CTNNA2: variants seen among roughly 807,000 people sequenced by gnomAD.
CTNNA2 encodes the protein catenin alpha-2.
A neutral mutation model predicts 101.0 loss-of-function variants in CTNNA2; 42 were observed. That is an observed-to-expected ratio of 0.42 (90% CI 0.32 to 0.54). The LOEUF (loss-of-function observed/expected upper bound fraction) is 0.54. Among genes scored for constraint, CTNNA2 ranks in the 20% least tolerant of loss-of-function variants. The pLI, the probability that CTNNA2 is intolerant of heterozygous loss-of-function variation, is 0.14. For missense variants in CTNNA2, 871 were observed against 1,223.1 expected (o/e 0.71, Z 4.29); for synonymous variants, 450 against 456.4 (o/e 0.99, Z 0.18).
intron 2 of CTNNA2, among the ~76,000 whole-genome samples, chr2:79,218,344 TG>T (rs1674295064): frequency 1.3e-5 from 1 of 77,250 alleles, no homozygotes; most frequent in African/African-American, 4.1e-5. Context: ...TGTGTGTGTG[TG>T]TGTGTATTTT....
At chr2:80,109,886 T>C (rs1558817842) in intron 7 of CTNNA2, among the ~76,000 whole-genome samples, 1 of 152,168 alleles carries the variant, frequency 6.6e-6, no homozygotes, top group African/African-American at 2.4e-5. Flanking sequence ...CTAACTCAAG[T>C]CATGGTTGTC....
intron 9 of CTNNA2, among the ~76,000 whole-genome samples, chr2:80,446,141 A>G (rs1574059537): frequency 1.3e-5 from 2 of 152,230 alleles, no homozygotes; most frequent in South Asian, 2.1e-4. Context: ...TTGTAAGGGC[A>G]TTCTTGACTC....
chr2:79,366,086 G>A (rs895108949), intron 3 of CTNNA2, among the ~76,000 whole-genome samples: 2 of 152,136 alleles, frequency 1.3e-5, no homozygotes, highest in Admixed American at 1.3e-4. Flanking sequence ...AAGAAGCCTC[G>A]TTGTTCTCTG....
intron 7 of CTNNA2, among the ~76,000 whole-genome samples, chr2:79,966,866 A>G (rs1558683582): frequency 6.6e-6 from 1 of 151,656 alleles, no homozygotes; most frequent in Non-Finnish European, 1.5e-5. Flanking sequence ...CCTGAGACAC[A>G]CACCTTCCTG....
At chr2:79,898,442 G>T (rs956433196) in intron 6 of CTNNA2, among the ~76,000 whole-genome samples, 5 of 151,982 alleles carry the variant, frequency 3.3e-5, no homozygotes, top group African/African-American at 1.2e-4. Context: ...GCCGGTCTTA[G>T]ATTATATTGA....
intron 7 of CTNNA2, among the ~76,000 whole-genome samples, chr2:80,010,119 C>A (rs1574531676): frequency 2.0e-5 from 3 of 152,262 alleles, no homozygotes; most frequent in Admixed American, 2.0e-4. Context: ...CTCCCTACCC[C>A]TTCTCATCTT....
chr2:79,515,207 C>G (rs906530030), intron 1 of CTNNA2, among the ~76,000 whole-genome samples: 1 of 152,128 alleles, frequency 6.6e-6, no homozygotes, highest in South Asian at 2.1e-4. Context: ...TGCAGTCAAC[C>G]CTGTGTGTAT....
At chr2:79,546,205 G>A (rs1673720981) in intron 1 of CTNNA2, among the ~76,000 whole-genome samples, 1 of 152,072 alleles carries the variant, frequency 6.6e-6, no homozygotes, top group Admixed American at 6.5e-5. Context: ...ACTGAGTGAG[G>A]CACATACTCT....
At chr2:79,643,805 A>G (rs1680613911) in intron 1 of CTNNA2, among the ~76,000 whole-genome samples, 1 of 152,036 alleles carries the variant, frequency 6.6e-6, no homozygotes, top group Non-Finnish European at 1.5e-5. Flanking sequence ...GTGGTTGTGG[A>G]ACTGAGACCT....
intron 9 of CTNNA2, among the ~76,000 whole-genome samples, chr2:80,425,820 A>T (rs1458566799): frequency 1.3e-5 from 2 of 152,182 alleles, no homozygotes; most frequent in African/African-American, 2.4e-5. Context: ...AGAACCTTAG[A>T]AAAGTCCTCA....
chr2:80,081,616 T>G (rs1699154350), intron 7 of CTNNA2, among the ~76,000 whole-genome samples: 1 of 152,104 alleles, frequency 6.6e-6, no homozygotes, highest in South Asian at 2.1e-4. Flanking sequence ...AAAATTGATT[T>G]GGCCTGGAGA....
At chr2:80,556,386 T>C (rs1452305652) in intron 12 of CTNNA2, among the ~76,000 whole-genome samples, 4 of 152,222 alleles carry the variant, frequency 2.6e-5, no homozygotes, top group Non-Finnish European at 5.9e-5. Context: ...ATAAAGGTTT[T>C]AGATAGTGAG....
At chr2:79,800,950 AGTT>A (rs1432990140) in intron 3 of CTNNA2, among the ~76,000 whole-genome samples, 5 of 152,184 alleles carry the variant, frequency 3.3e-5, no homozygotes, top group Non-Finnish European at 5.9e-5. Flanking sequence ...AAAAATATTC[AGTT>A]GTTGTCTCTA....
chr2:80,231,011 G>C (rs1037936599), intron 7 of CTNNA2, among the ~76,000 whole-genome samples: 1 of 151,724 alleles, frequency 6.6e-6, no homozygotes, highest in Admixed American at 6.6e-5. Flanking sequence ...TCGCTCTGTC[G>C]TCCAGGCTGG....
In CTNNA2 at chr2:79,656,103, T is replaced by C. The variant is rs1005477908; in HGVS notation, c.102+4445T>C. Among the ~76,000 whole-genome samples the C allele has an allele frequency of 1.5e-4, 23 of 152,280 alleles. 1 individual carries two copies. The highest frequency in any genetic ancestry group is 1.2e-3 in the Admixed American group (19 of 15,292). ...AGTATTCCATACTGATTTAAAAAAA[T>C]TAAATATGTGAATTTTAAGATGGGA... On this transcript the variant is annotated intron_variant, in intron 2 of 18. Transcript: ENST00000402739.
At chr2:79,935,870 T>A (rs1373372826) in intron 7 of CTNNA2, among the ~76,000 whole-genome samples, 3 of 152,236 alleles carry the variant, frequency 2.0e-5, no homozygotes, top group African/African-American at 7.2e-5. Flanking sequence ...TAGGTTTATT[T>A]ACCCAGTTGT....
chr2:80,077,847 T>C (rs1343139370), intron 7 of CTNNA2, among the ~76,000 whole-genome samples: 1 of 152,192 alleles, frequency 6.6e-6, no homozygotes, highest in African/African-American at 2.4e-5. Flanking sequence ...GAAAGATGGA[T>C]GTGTTCTATA....
At chr2:79,624,120 A>G (rs548249481) in intron 1 of CTNNA2, among the ~76,000 whole-genome samples, 10 of 151,798 alleles carry the variant, frequency 6.6e-5, no homozygotes, top group South Asian at 2.1e-4. Context: ...TTTCTTTTTC[A>G]TAGCAAATAT....
chr2:80,165,002 G>A (rs528830625), intron 7 of CTNNA2, among the ~76,000 whole-genome samples: 94 of 147,114 alleles, frequency 6.4e-4, no homozygotes, highest in African/African-American at 2.2e-3. Context: ...AAGTGTAAAA[G>A]TGGTGTGCCT....
Sources: gnomAD v4.1 joint callset for allele counts (sites outside exome capture counted in the v4.1 genomes callset) on GRCh38, gnomAD v4.1.1 for gene constraint, MANE v1.5 for transcripts, NCBI Gene and HGNC (gene_info 2026-07-23, HGNC 2026-07-21) for gene names.